Variants in MYO9A observed in about 807,000 individuals in gnomAD.
MYO9A encodes the protein unconventional myosin-IXa.
A neutral mutation model predicts 293.3 loss-of-function variants in MYO9A; 103 were observed. The ratio of observed to expected loss-of-function variants is 0.35; its 90% CI spans 0.30 to 0.41. The LOEUF (loss-of-function observed/expected upper bound fraction) is 0.41. Ranked by LOEUF, MYO9A falls within the 10% of genes least tolerant of loss-of-function variation. The pLI is 1.00. For missense variants in MYO9A, 2,685 were observed against 3,033.0 expected, an observed-to-expected ratio of 0.89 and a Z score of 2.69; for synonymous variants, 1,001 against 1,035.7, an observed-to-expected ratio of 0.97 and a Z score of 0.64.
chr15:71,893,245 G>A, intron 26 of MYO9A: 7 of 1,134,378 alleles, frequency 6.2e-6, no homozygotes, highest in South Asian at 4.7e-5. Context: ...TTGAGATGAT[G>A]CCAATGAAAG....
intron 1 of MYO9A, among the ~76,000 whole-genome samples, chr15:72,100,202 G>A (rs1478840235): frequency 6.6e-6 from 1 of 152,150 alleles, no homozygotes; most frequent in Non-Finnish European, 1.5e-5. Flanking sequence ...GGCCAACATG[G>A]TGAAACCTGT....
intron 1 of MYO9A, among the ~76,000 whole-genome samples, chr15:72,105,585 G>A (rs570983879): frequency 2.9e-4 from 38 of 131,474 alleles, no homozygotes; most frequent in African/African-American, 1.1e-3. Context: ...TTGGCTCACC[G>A]CAACTTCCGC....
intron 2 of MYO9A, among the ~76,000 whole-genome samples, chr15:72,039,616 A>G (rs1417634319): frequency 6.6e-6 from 1 of 152,014 alleles, no homozygotes; most frequent in African/African-American, 2.4e-5. Flanking sequence ...GGATCATCTG[A>G]GGTCAAGTTC....
At chr15:72,105,297 C>A (rs2080526817) in intron 1 of MYO9A, among the ~76,000 whole-genome samples, 1 of 152,020 alleles carries the variant, frequency 6.6e-6, no homozygotes, top group South Asian at 2.1e-4. Flanking sequence ...CATTATGGCT[C>A]AGTGTAACCT....
Position 71,827,902 on chromosome 15 carries a change from C to G in MYO9A, c.7165G>C (p.Ala2389Pro). 1 of 1,613,442 alleles carries G rather than the reference C, an allele frequency of 6.2e-7. No homozygotes were observed. The highest frequency in any genetic ancestry group is 8.5e-7 in the Non-Finnish European group (1 of 1,179,676). ...CACTTACCTGATTTCTCAGAGATAGCATATTCAGACTCCATATTCAAATTC... is the reference window on the plus strand; with the variant it reads ...CACTTACCTGATTTCTCAGAGATAGGATATTCAGACTCCATATTCAAATTC... ...SENLNMESEY[A>P]ISEKSERSLA... is the part of the protein sequence containing the mutation. Residue 2389 changes from alanine to proline, a missense_variant, in exon 41 of 42, where the codon GCT becomes CCT. By Grantham distance (27) the Ala-to-Pro change is conservative. Around this residue, in one of 10 missense-constraint regions of MYO9A, gnomAD observed 350 missense variants for 328.9 expected, o/e 1.06. Coordinates refer to ENST00000356056, the MANE Select transcript of MYO9A (RefSeq NM_006901.4).
intron 7 of MYO9A, among the ~76,000 whole-genome samples, chr15:72,008,572 G>A (rs1422310961): frequency 3.3e-5 from 5 of 151,510 alleles, no homozygotes; most frequent in African/African-American, 1.2e-4. Context: ...ACTTCATATG[G>A]ACCCTCCGTT....
chr15:72,042,289 C>CA (rs71438542), intron 2 of MYO9A, among the ~76,000 whole-genome samples: 2,068 of 151,838 alleles, frequency 0.014, 25 homozygotes, highest in East Asian at 0.025. Context: ...CATTGAAGCC[C>CA]AGGAGATTGA....
intron 15 of MYO9A, among the ~76,000 whole-genome samples, chr15:71,948,744 T>C (rs910804568): frequency 6.6e-6 from 1 of 152,202 alleles, no homozygotes; most frequent in African/African-American, 2.4e-5. Flanking sequence ...TGTTGACAAA[T>C]TCCCAGACTC....
chr15:72,039,636 C>T (rs912269063), intron 2 of MYO9A, among the ~76,000 whole-genome samples: 1 of 151,608 alleles, frequency 6.6e-6, no homozygotes, highest in Non-Finnish European at 1.5e-5. Flanking sequence ...CAAGACCAGC[C>T]TGGCCTACAT....
intron 18 of MYO9A, among the ~76,000 whole-genome samples, chr15:71,933,458 G>GTATA (rs1308320883): frequency 6.6e-6 from 1 of 151,994 alleles, no homozygotes; most frequent in Non-Finnish European, 1.5e-5. Context: ...CTAGAAAATG[G>GTATA]TATATATCAC....
intron 1 of MYO9A, among the ~76,000 whole-genome samples, chr15:72,099,622 G>C (rs551607001): frequency 4.0e-5 from 6 of 151,700 alleles, no homozygotes; most frequent in Non-Finnish European, 7.4e-5. Context: ...AAAAACCAAG[G>C]CTGGGCGCGG....
intron 39 of MYO9A, among the ~76,000 whole-genome samples, chr15:71,833,654 G>A (rs573808906): frequency 8.0e-4 from 122 of 152,118 alleles, no homozygotes; most frequent in East Asian, 3.9e-4. Flanking sequence ...CACACAGCAA[G>A]ACAACAAAAT....
Position 71,884,254 on chromosome 15 carries a change from T to TAC in MYO9A, c.5256-520_5256-519dup, listed in dbSNP as rs2056957811. Reference sequence around the variant, plus strand: ...CTTTATCCATAAGTATGGCAAGTTTTACATCACTGTTATCATGATGCACAT... The same window carrying TAC: ...CTTTATCCATAAGTATGGCAAGTTTTACACATCACTGTTATCATGATGCACAT... On this transcript the variant is annotated intron_variant, in intron 27 of 41. Coordinates refer to ENST00000356056, the MANE Select transcript of MYO9A (RefSeq NM_006901.4). Among the ~76,000 whole-genome samples the TAC allele has an allele frequency of 2.6e-5, 4 of 152,312 alleles. No individual in the cohort carries two copies. The South Asian group carries it at 8.3e-4, about 32-fold the overall frequency.
At chr15:71,846,110 C>A (rs2055374278) in intron 39 of MYO9A, among the ~76,000 whole-genome samples, 1 of 152,064 alleles carries the variant, frequency 6.6e-6, no homozygotes, top group South Asian at 2.1e-4. Context: ...ATGCCAACAC[C>A]CAGGATTTAG....
intron 40 of MYO9A, 39 bp from the exon 41 acceptor site, chr15:71,828,065 G>GAAGTGGAAGGAAGATAACAGAA (rs2054581232): frequency 9.5e-6 from 15 of 1,582,368 alleles, no homozygotes; most frequent in Non-Finnish European, 1.3e-5. Flanking sequence ...CATTTGATAG[G>GAAGTGGAAGGAAGATAACAGAA]AAGTGGAAGG....
chr15:72,062,265 A>T (rs2078899517), intron 1 of MYO9A, among the ~76,000 whole-genome samples: 1 of 152,238 alleles, frequency 6.6e-6, no homozygotes, highest in Non-Finnish European at 1.5e-5. Flanking sequence ...AGCAAAGGTT[A>T]CAACAAATAC....
intron 9 of MYO9A, 30 bp from the exon 10 acceptor site, chr15:71,994,615 T>C: frequency 1.5e-6 from 2 of 1,348,870 alleles, no homozygotes; most frequent in Non-Finnish European, 2.1e-6. Context: ...CAAGTGCATG[T>C]AGAATTGACA....
intron 14 of MYO9A, among the ~76,000 whole-genome samples, chr15:71,955,035 C>T (rs1043393160): frequency 5.9e-5 from 9 of 152,158 alleles, no homozygotes; most frequent in Admixed American, 1.3e-4. Flanking sequence ...TTCTATCACC[C>T]CCCCAAGTTA....
intron 11 of MYO9A, among the ~76,000 whole-genome samples, chr15:71,987,433 GTAC>G (rs1178863147): frequency 6.6e-6 from 1 of 152,110 alleles, no homozygotes; most frequent in Admixed American, 6.5e-5. Flanking sequence ...ACTGTTTTAA[GTAC>G]AATGTGTATA....
Sources: allele counts gnomAD v4.1 joint callset (sites outside exome capture counted in the v4.1 genomes callset), GRCh38; gene constraint gnomAD v4.1.1; regional missense constraint gnomAD v4.1.1; transcripts MANE v1.5; gene names NCBI Gene and HGNC (gene_info 2026-07-23, HGNC 2026-07-21).